The following HELQ variants were observed in gnomAD, a reference collection of about 807,000 sequenced individuals.
HELQ encodes helicase, POLQ like, also known as helicase POLQ-like.
Under a neutral mutation model 111.6 loss-of-function variants are expected in HELQ, and 77 were observed. The ratio of observed to expected loss-of-function variants is 0.69; its 90% confidence interval spans 0.57 to 0.83. The LOEUF (loss-of-function observed/expected upper bound fraction) is 0.83, where lower values mean the gene tolerates loss of function less well. HELQ is among the 40% of genes least tolerant of loss of function. HELQ has a pLI of 0.00. For synonymous variants in HELQ, 438 were observed against 454.7 expected, an observed-to-expected ratio of 0.96 and a Z score of 0.47; for missense variants, 1,200 against 1,288.5, an observed-to-expected ratio of 0.93 and a Z score of 1.05.
chr4:83,428,366 G>T (rs1719954824), intron 12 of HELQ, among the ~76,000 whole-genome samples: 1 of 151,406 alleles, frequency 6.6e-6, no homozygotes, highest in Non-Finnish European at 1.5e-5. Context: ...AAAAGCCTCA[G>T]CCTGGGCACC....
At chr4:83,419,758 T>C (rs1468282180) in intron 15 of HELQ, among the ~76,000 whole-genome samples, 7 of 152,062 alleles carry the variant, frequency 4.6e-5, no homozygotes, top group Non-Finnish European at 1.0e-4. Flanking sequence ...TTATTACCCA[T>C]AATTTTTGTC....
chr4:83,430,398 C>A (rs1417271522), intron 11 of HELQ, among the ~76,000 whole-genome samples: 1 of 152,012 alleles, frequency 6.6e-6, no homozygotes, highest in Non-Finnish European at 1.5e-5. Context: ...TGATCTCTAC[C>A]TATTTTTGTC....
At chr4:83,449,192 C>T (rs937083194) in intron 2 of HELQ, among the ~76,000 whole-genome samples, 2 of 152,206 alleles carry the variant, frequency 1.3e-5, no homozygotes, top group African/African-American at 4.8e-5. Flanking sequence ...ATTTATTCAC[C>T]AGCTGCAGAC....
chr4:83,407,937 T>C (rs971317851), intron 17 of HELQ, among the ~76,000 whole-genome samples: 15 of 152,248 alleles, frequency 9.9e-5, no homozygotes, highest in Admixed American at 7.2e-4. Flanking sequence ...ATGCATTTTA[T>C]TATTCCTCAA....
At chr4:83,449,540 C>A (rs568300341) in intron 2 of HELQ, among the ~76,000 whole-genome samples, 2 of 152,312 alleles carry the variant, frequency 1.3e-5, no homozygotes, top group South Asian at 4.1e-4. Flanking sequence ...TATTAACTGA[C>A]ACGCCTAGGA....
At chr4:83,447,155 C>G (rs1721095743) in intron 3 of HELQ, 120 bp from the exon 4 acceptor site, 2 of 654,664 alleles carry the variant, frequency 3.1e-6, no homozygotes, top group African/African-American at 1.8e-5. Flanking sequence ...TGAGACCAGC[C>G]TGGGCAACAC....
intron 9 of HELQ, among the ~76,000 whole-genome samples, chr4:83,433,765 C>T (rs1319618304): frequency 2.7e-5 from 4 of 150,810 alleles, no homozygotes; most frequent in Non-Finnish European, 4.4e-5. Flanking sequence ...AGGAGGATCA[C>T]GAGGTCAATA....
chr4:83,422,438 C>A (rs1002716070), intron 14 of HELQ, among the ~76,000 whole-genome samples: 5 of 151,910 alleles, frequency 3.3e-5, no homozygotes, highest in Non-Finnish European at 1.5e-5. Context: ...GTGAAATCAC[C>A]CTGGATTTAC....
intron 17 of HELQ, among the ~76,000 whole-genome samples, 189 bp downstream of exon 17, chr4:83,416,542 C>CT (rs1304568792): frequency 6.6e-6 from 1 of 151,970 alleles, no homozygotes; most frequent in Admixed American, 6.6e-5. Flanking sequence ...TTAGCAGGTC[C>CT]TTTTTTTGTT....
Position 83,421,744 on chromosome 4 carries a change from GAC to G in HELQ, c.2776-10_2776-9del, listed in dbSNP as rs1739697944. ...AACGTTCTTGTCCACCTTCTAGAAA[GAC>G]ACAATCAAATAAATTCGTTTACTAG... is the stretch of plus-strand genomic sequence containing the variant. On this transcript the variant is annotated splice_polypyrimidine_tract_variant and intron_variant, in intron 14 of 17. Transcript: ENST00000295488. The G allele has an allele frequency of 1.9e-6, 3 of 1,608,552 alleles. No individual in the cohort carries two copies. Among genetic ancestry groups the G allele is most frequent in the Non-Finnish European group, 2.5e-6 (3 of 1,177,768 alleles).
intron 1 of HELQ, among the ~76,000 whole-genome samples, chr4:83,454,185 A>G: frequency 6.6e-6 from 1 of 152,218 alleles, no homozygotes; most frequent in Non-Finnish European, 1.5e-5. Context: ...CCTGGGCAAC[A>G]GAGTGGGACT....
At position 83,446,816 on chromosome 4, in the gene HELQ, TA is replaced by T. The variant is rs1348240817; in HGVS notation, c.1392+18del. On this transcript the variant is annotated intron_variant, in intron 4 of 17. Coordinates refer to ENST00000295488, the MANE Select transcript of HELQ (RefSeq NM_133636.5). ...TAGTATAATAAAAATATTGACAAAT[TA>T]CAAAAGTATTAACCAACCTCGTCTA... 6.7e-7 allele frequency: 1 copy of T among 1,491,422 alleles called. No homozygotes were observed. Among genetic ancestry groups the T allele is most frequent in the South Asian group, 1.2e-5 (1 of 84,038 alleles). The allele number at this position is 1,491,422 out of a possible 1,614,324, so 92.4% of individuals were successfully genotyped here. A position where few individuals can be genotyped will look rare whatever the true frequency, so the allele number is the denominator to read the frequency against.
chr4:83,433,438 G>C (rs975194105), intron 9 of HELQ, among the ~76,000 whole-genome samples: 2 of 152,078 alleles, frequency 1.3e-5, no homozygotes, highest in Middle Eastern at 3.4e-3. Flanking sequence ...GAGGCTGAGG[G>C]GGGCGGATCA....
chr4:83,421,501 G>A (rs1739680298), intron 15 of HELQ, 62 bp downstream of exon 15: 1 of 1,279,928 alleles, frequency 7.8e-7, no homozygotes, highest in Non-Finnish European at 1.1e-6. Context: ...TGGCTTATTA[G>A]TTTAGTAACA....
rs1371425987 is a variant in HELQ, at chr4:83,421,456, G to A, written c.2949+107C>T. ...TTAGTGCTCTGTAATAACAGAATAT[G>A]TCAACAAGGAGAAAATGCTGACATA... On this transcript the variant is annotated intron_variant, in intron 15 of 17. Coordinates refer to ENST00000295488, the MANE Select transcript of HELQ (RefSeq NM_133636.5). 6.5e-6 allele frequency: 5 copies of A among 772,298 alleles called. No homozygotes were observed. The East Asian group carries it at 1.3e-4, about 21-fold the overall frequency. 47.8% of individuals were successfully genotyped at this position (772,298 alleles called of 1,614,324 possible). A position where few individuals can be genotyped will look rare whatever the true frequency, so the allele number is the denominator to read the frequency against.
chr4:83,447,720 G>T (rs1369029674), intron 3 of HELQ, among the ~76,000 whole-genome samples: 1 of 151,726 alleles, frequency 6.6e-6, no homozygotes, highest in South Asian at 2.1e-4. Flanking sequence ...TTAGCCGGGC[G>T]TGGTGGCGTG....
rs112229781 is a variant in HELQ at position 83,453,477 on chromosome 4, T to C, written c.766A>G (p.Ser256Gly). 227 of 1,612,054 alleles carry C rather than the reference T, an allele frequency of 1.4e-4. 1 individual carries two copies. In the African/African-American group the frequency reaches 2.5e-3, roughly 18 times the overall value. Residue 256 changes from serine (S) to glycine (G), a missense_variant, in exon 2 of 18, where the codon AGT becomes GGT. Physicochemically the swap from Ser to Gly is moderately conservative, Grantham distance 56. Coordinates refer to ENST00000295488, the MANE Select transcript of HELQ (RefSeq NM_133636.5). ...CTTTTTCTCCTGTTCATATCTGAAC[T>C]AGTTCTGACTTTGGAAGAGGACTCA... is the stretch of plus-strand genomic sequence containing the variant. ...NDESSSKVRT[S>G]SDMNRRKSIK...
At chr4:83,414,917 T>C (rs948459374) in intron 17 of HELQ, among the ~76,000 whole-genome samples, 2 of 152,104 alleles carry the variant, frequency 1.3e-5, no homozygotes, top group African/African-American at 4.8e-5. Context: ...ACTCCTAATT[T>C]AACGGGACAA....
intron 2 of HELQ, among the ~76,000 whole-genome samples, chr4:83,449,521 G>T (rs1009835108): frequency 2.0e-5 from 3 of 152,206 alleles, no homozygotes; most frequent in African/African-American, 7.2e-5. Context: ...AACCACAAAA[G>T]ACTAGGATTA....
Sources: allele counts gnomAD v4.1 joint callset (sites outside exome capture counted in the v4.1 genomes callset), GRCh38; gene constraint gnomAD v4.1.1; transcripts MANE v1.5; gene names NCBI Gene and HGNC (gene_info 2026-07-23, HGNC 2026-07-21).